The following RP1 variants were observed in gnomAD, a reference collection of about 807,000 sequenced individuals.
The protein encoded by RP1 is oxygen-regulated protein 1.
In RP1, 16 loss-of-function variants were observed where a neutral mutation model predicts 14.8. That is an observed-to-expected ratio of 1.08 (90% CI 0.73 to 1.65). The LOEUF is 1.65. Ranked by LOEUF, RP1 falls within the 40% of genes most tolerant of loss-of-function variation. RP1 has a pLI of 0.00. For synonymous variants in RP1, 876 were observed against 883.6 expected, an observed-to-expected ratio of 0.99 and a Z score of 0.15; for missense variants, 2,631 against 2,535.0, an observed-to-expected ratio of 1.04 and a Z score of -0.81.
At chr8:54,619,688 A>G (rs2129313593) in intron 1 of RP1, among the ~76,000 whole-genome samples, 1 of 152,360 alleles carries the variant, frequency 6.6e-6, no homozygotes, top group East Asian at 1.9e-4. Flanking sequence ...ACCAGACTGC[A>G]CCAGTTTTAG....
At chr8:54,857,068 T>G (rs937584517) in exon 27 of RP1, 1 of 1,222,692 alleles carries the variant, frequency 8.2e-7, no homozygotes, top group Non-Finnish European at 1.0e-6. Flanking sequence ...CTCGGAAAAT[T>G]GAAGAAAGTT....
intron 14 of RP1, chr8:54,701,740 T>C: frequency 7.5e-7 from 1 of 1,327,892 alleles, no homozygotes; most frequent in Middle Eastern, 2.3e-4. Context: ...AAGTCTTAAA[T>C]TGAGTCATAA....
At chr8:54,813,599 A>C (rs546699238) in intron 24 of RP1, among the ~76,000 whole-genome samples, 2 of 152,224 alleles carry the variant, frequency 1.3e-5, no homozygotes, top group Non-Finnish European at 2.9e-5. Flanking sequence ...TCTTTTGCAA[A>C]CAAGATATTA....
At chr8:54,758,950 C>T (rs545545517) in exon 22 of RP1, 44 of 1,535,590 alleles carry the variant, frequency 2.9e-5, no homozygotes, top group South Asian at 2.3e-4. Context: ...GCAGCAGTGT[C>T]GCTTGGAAAA....
intron 24 of RP1, chr8:54,837,356 G>A (rs968819051): frequency 2.2e-6 from 1 of 448,828 alleles, no homozygotes; most frequent in Non-Finnish European, 3.6e-6. Context: ...GAGTATTTAT[G>A]ATAAAAAAGT....
At chr8:54,719,688 C>G (rs907239589) in intron 15 of RP1, among the ~76,000 whole-genome samples, 4 of 152,164 alleles carry the variant, frequency 2.6e-5, no homozygotes, top group Non-Finnish European at 5.9e-5. Context: ...AAAATTCAAT[C>G]TGGAAAATGC....
intron 15 of RP1, chr8:54,720,018 A>G: frequency 1.1e-6 from 1 of 885,034 alleles, no homozygotes; most frequent in African/African-American, 1.7e-5. Context: ...CTCTAGATTT[A>G]TCATAGTGAT....
At chr8:54,821,238 C>A (rs942206148) in intron 24 of RP1, among the ~76,000 whole-genome samples, 2 of 152,062 alleles carry the variant, frequency 1.3e-5, no homozygotes, top group Admixed American at 6.6e-5. Context: ...ATTGCAACAA[C>A]CTTCTGTAGT....
rs1253166382 is a variant in RP1 at position 54,838,029 on chromosome 8, G to T, written c.3835+360G>T. On this transcript the variant is annotated intron_variant, in intron 25 of 28. Coordinates refer to the RP1 transcript ENST00000637698. The stretch of plus-strand genomic sequence containing the variant: ...TGGACTGTACAAAAATAAGTGGCTG[G>T]CAGATTTGGCCCACGGGCCGCAAGT... 2.6e-5 allele frequency among the ~76,000 whole-genome samples: 4 copies of T among 152,178 alleles called. No individual in the cohort carries two copies. The East Asian group carries it at 7.7e-4, about 29-fold the overall frequency.
At chr8:54,560,939 T>G (rs1804272429) in intron 1 of RP1, 1 of 152,310 alleles carries the variant, frequency 6.6e-6, no homozygotes, top group Non-Finnish European at 1.5e-5. Context: ...AGGGGGCATG[T>G]TCTCTCACTC....
chr8:54,751,125 C>G (rs867487272), intron 19 of RP1, among the ~76,000 whole-genome samples: 1 of 152,200 alleles, frequency 6.6e-6, no homozygotes, highest in Admixed American at 6.5e-5. Context: ...ACTAACCCAC[C>G]GGAAGGAACC....
chr8:54,751,906 T>C (rs544336298), intron 19 of RP1, among the ~76,000 whole-genome samples: 7 of 152,316 alleles, frequency 4.6e-5, no homozygotes, highest in South Asian at 2.1e-4. Flanking sequence ...GTGGTGTTCG[T>C]GGGGTTGCAC....
intron 15 of RP1, among the ~76,000 whole-genome samples, chr8:54,708,968 A>G (rs1585625912): frequency 6.6e-6 from 1 of 152,164 alleles, no homozygotes; most frequent in Non-Finnish European, 1.5e-5. Context: ...CAGAAGTATT[A>G]TCCTGCCACA....
intron 1 of RP1, among the ~76,000 whole-genome samples, chr8:54,588,828 A>G (rs1244059932): frequency 1.3e-5 from 2 of 152,232 alleles, no homozygotes; most frequent in Non-Finnish European, 2.9e-5. Flanking sequence ...AGGGAATTAA[A>G]CAAACATTTC....
intron 26 of RP1, among the ~76,000 whole-genome samples, chr8:54,855,757 A>G (rs191594612): frequency 3.2e-4 from 49 of 152,336 alleles, no homozygotes; most frequent in Admixed American, 2.8e-3. Context: ...AGCCTTATTA[A>G]TAATCAGAAA....
At chr8:54,799,890 A>T (rs1320232765) in intron 24 of RP1, among the ~76,000 whole-genome samples, 2 of 152,096 alleles carry the variant, frequency 1.3e-5, no homozygotes, top group African/African-American at 2.4e-5. Flanking sequence ...AGAATTAAAA[A>T]TGAGAAAAAT....
At chr8:54,612,348 C>A (rs1261901596), upstream of RP1, among the ~76,000 whole-genome samples, 1 of 152,188 alleles carries the variant, frequency 6.6e-6, no homozygotes, top group African/African-American at 2.4e-5. Flanking sequence ...GCTGTCCCCA[C>A]AGCTGCCTGC....
chr8:54,609,701 A>G (rs1461547946), intron 1 of RP1, among the ~76,000 whole-genome samples: 2 of 152,118 alleles, frequency 1.3e-5, no homozygotes, highest in South Asian at 2.1e-4. Flanking sequence ...ATGGCCTCAC[A>G]TCCCAGGTCG....
intron 1 of RP1, among the ~76,000 whole-genome samples, chr8:54,589,412 G>A (rs1356239748): frequency 6.6e-6 from 1 of 151,966 alleles, no homozygotes; most frequent in African/African-American, 2.4e-5. Context: ...GAATATAATG[G>A]TTTTTAAGAA....
Sources: allele counts gnomAD v4.1 joint callset (sites outside exome capture counted in the v4.1 genomes callset), GRCh38; gene constraint gnomAD v4.1.1; transcripts MANE v1.5; gene names NCBI Gene and HGNC (gene_info 2026-07-23, HGNC 2026-07-21).